SLCO5A1: variants seen among roughly 807,000 people sequenced by gnomAD.
SLCO5A1 encodes solute carrier organic anion transporter family member 5A1.
In SLCO5A1, 39 loss-of-function variants were observed where a neutral mutation model predicts 65.1. That is an observed-to-expected ratio of 0.60 (90% confidence interval 0.46 to 0.78). SLCO5A1 has a LOEUF of 0.78. Ranked by LOEUF, SLCO5A1 falls within the 30% of genes least tolerant of loss-of-function variation. The pLI is 0.00. For synonymous variants in SLCO5A1, 438 were observed against 415.7 expected, an observed-to-expected ratio of 1.05 and a Z score of -0.65; for missense variants, 1,029 against 1,069.4, an observed-to-expected ratio of 0.96 and a Z score of 0.53.
At chr8:69,752,404 A>G (rs1817351108) in intron 4 of SLCO5A1, among the ~76,000 whole-genome samples, 1 of 147,936 alleles carries the variant, frequency 6.8e-6, no homozygotes, top group Non-Finnish European at 1.5e-5. Context: ...GCTTTGTTAA[A>G]AAGTAACCTC....
chr8:69,710,832 C>T (rs1317217573), intron 5 of SLCO5A1, among the ~76,000 whole-genome samples: 2 of 152,160 alleles, frequency 1.3e-5, no homozygotes, highest in Admixed American at 6.5e-5. Context: ...TTCTTCGGCG[C>T]CCCCATCATC....
intron 2 of SLCO5A1, among the ~76,000 whole-genome samples, chr8:69,787,848 C>T (rs1481275440): frequency 2.0e-5 from 3 of 152,128 alleles, no homozygotes; most frequent in Non-Finnish European, 2.9e-5. Context: ...CCTTAATCTC[C>T]CCAACAACCT....
intron 2 of SLCO5A1, among the ~76,000 whole-genome samples, chr8:69,802,269 G>A (rs539425263): frequency 3.5e-4 from 53 of 152,126 alleles, no homozygotes; most frequent in African/African-American, 1.3e-3. Context: ...TTGGGAGGCC[G>A]AGGTGGGAGG....
At chr8:69,808,584 T>C (rs1447532694) in intron 2 of SLCO5A1, among the ~76,000 whole-genome samples, 1 of 152,196 alleles carries the variant, frequency 6.6e-6, no homozygotes. Flanking sequence ...GACATTTAAG[T>C]TGATTCCACA....
intron 2 of SLCO5A1, among the ~76,000 whole-genome samples, chr8:69,812,428 A>G (rs958968668): frequency 9.9e-5 from 15 of 152,234 alleles, no homozygotes; most frequent in Admixed American, 5.2e-4. Context: ...GTCAAATTGC[A>G]CATTAGTCAT....
intron 2 of SLCO5A1, among the ~76,000 whole-genome samples, chr8:69,807,520 T>C (rs1377904805): frequency 6.6e-6 from 1 of 152,204 alleles, no homozygotes; most frequent in Non-Finnish European, 1.5e-5. Flanking sequence ...CTTCTGGCCC[T>C]CTCCCGCACA....
intron 2 of SLCO5A1, among the ~76,000 whole-genome samples, chr8:69,826,115 A>C (rs967941768): frequency 1.6e-3 from 251 of 152,358 alleles, no homozygotes; most frequent in Non-Finnish European, 2.9e-3. Context: ...CTTACACCTT[A>C]TACAAAAGTT....
At chr8:69,693,502 G>T (rs1295782929) in intron 6 of SLCO5A1, among the ~76,000 whole-genome samples, 1 of 152,150 alleles carries the variant, frequency 6.6e-6, no homozygotes, top group Non-Finnish European at 1.5e-5. Flanking sequence ...TATATAGCAT[G>T]CTTTCTTCTT....
chr8:69,688,468 C>T (rs1014454418), intron 6 of SLCO5A1, among the ~76,000 whole-genome samples: 2 of 152,088 alleles, frequency 1.3e-5, no homozygotes, highest in South Asian at 2.1e-4. Flanking sequence ...GTATATCTCC[C>T]AATGCTATCC....
chr8:69,781,847 G>A (rs1244197065), intron 2 of SLCO5A1, among the ~76,000 whole-genome samples: 1 of 151,950 alleles, frequency 6.6e-6, no homozygotes, highest in Non-Finnish European at 1.5e-5. Flanking sequence ...AGTAGAGACG[G>A]GGTTTCTCCA....
In SLCO5A1 at chr8:69,832,375, T is replaced by A; in HGVS notation, c.299A>T (p.Asp100Val). 1 of 1,612,190 alleles carries A rather than the reference T, an allele frequency of 6.2e-7. No homozygotes were observed. Among genetic ancestry groups the A allele is most frequent in the South Asian group, 1.1e-5 (1 of 91,008 alleles). The change falls in exon 2 of 10, where the codon GAC becomes GTC. Residue 100 changes from aspartate to valine, a missense_variant. Asp to Val is a radical substitution (Grantham distance 152, BLOSUM62 -3). Around this residue, in one of 3 missense-constraint regions of SLCO5A1, gnomAD observed 647 missense variants for 647.5 expected, o/e 1.00. Coordinates refer to ENST00000260126, the MANE Select transcript of SLCO5A1 (RefSeq NM_030958.3). The surrounding 1 kb of genome is among the most constrained non-coding windows in gnomAD (Gnocchi z 4.5). ...GGACACCGAGAAGGTTTTGCTGAGGTCCACCCTGTGGTTACAGTCCCCGAG... is the reference window on the plus strand; with the variant it reads ...GGACACCGAGAAGGTTTTGCTGAGGACCACCCTGTGGTTACAGTCCCCGAG... ...AGLGDCNHRV[D>V]LSKTFSVSSA...
rs187494984 is a variant in SLCO5A1, at chr8:69,821,136, T to G, written c.907+10631A>C. On this transcript the variant is annotated intron_variant, in intron 2 of 9. Coordinates refer to ENST00000260126, the MANE Select transcript of SLCO5A1 (RefSeq NM_030958.3). The stretch of plus-strand genomic sequence containing the variant: ...TAATGTTTATATTACTATAAAATCT[T>G]GAAGAAATACAACTCAACTGATTTG... 2.6e-5 allele frequency among the ~76,000 whole-genome samples: 4 copies of G among 152,070 alleles called. No individual in the cohort carries two copies. In the East Asian group the frequency reaches 7.7e-4, roughly 29 times the overall value.
intron 2 of SLCO5A1, among the ~76,000 whole-genome samples, chr8:69,784,837 A>AAG (rs1304427637): frequency 1.4e-5 from 2 of 147,702 alleles, no homozygotes; most frequent in African/African-American, 5.0e-5. Flanking sequence ...GAAAGAAAGA[A>AAG]AGAAAGAAAG....
At chr8:69,760,676 G>T (rs1472359825) in intron 3 of SLCO5A1, among the ~76,000 whole-genome samples, 2 of 152,130 alleles carry the variant, frequency 1.3e-5, no homozygotes, top group Non-Finnish European at 2.9e-5. Context: ...TAATCCACAT[G>T]AAATGAATTC....
At chr8:69,791,330 G>T (rs372502023) in intron 2 of SLCO5A1, among the ~76,000 whole-genome samples, 1 of 152,266 alleles carries the variant, frequency 6.6e-6, no homozygotes, top group South Asian at 2.1e-4. Flanking sequence ...ACAGAGAAAC[G>T]TGAAACCTCT....
intron 6 of SLCO5A1, among the ~76,000 whole-genome samples, chr8:69,697,705 T>C (rs1814558093): frequency 6.6e-6 from 1 of 152,094 alleles, no homozygotes; most frequent in African/African-American, 2.4e-5. Flanking sequence ...AAAAGTATTC[T>C]GAAAACTTCC....
At chr8:69,800,063 T>C (rs905585729) in intron 2 of SLCO5A1, among the ~76,000 whole-genome samples, 16 of 152,164 alleles carry the variant, frequency 1.1e-4, no homozygotes, top group African/African-American at 3.6e-4. Flanking sequence ...ATCCACCAAA[T>C]TGAACTATCT....
At chr8:69,732,846 G>C (rs117869779) in intron 5 of SLCO5A1, among the ~76,000 whole-genome samples, 3 of 151,766 alleles carry the variant, frequency 2.0e-5, no homozygotes, top group Non-Finnish European at 4.4e-5. Flanking sequence ...CCGAGTTCAC[G>C]GCACAGCACT....
intron 8 of SLCO5A1, among the ~76,000 whole-genome samples, chr8:69,678,567 G>A (rs1211852795): frequency 1.3e-5 from 2 of 152,104 alleles, no homozygotes; most frequent in East Asian, 3.8e-4. Context: ...GAGTTGGTCT[G>A]GTGTTTATTT....
Sources: allele counts gnomAD v4.1 joint callset (sites outside exome capture counted in the v4.1 genomes callset), GRCh38; gene constraint gnomAD v4.1.1; regional missense constraint gnomAD v4.1.1; non-coding constraint Gnocchi (gnomAD v3.1); transcripts MANE v1.5; gene names NCBI Gene and HGNC (gene_info 2026-07-23, HGNC 2026-07-21).